Variants in GPHN observed in about 807,000 individuals in gnomAD.
GPHN encodes gephyrin.
A neutral mutation model predicts 95.5 loss-of-function variants in GPHN; 17 were observed. The observed-to-expected ratio is 0.18, with a 90% CI of 0.12 to 0.27. The LOEUF is 0.27. Among genes scored for constraint, GPHN ranks in the 10% least tolerant of loss-of-function variants. GPHN has a pLI of 1.00. For synonymous variants in GPHN, 320 were observed against 322.5 expected (o/e 0.99, Z 0.08); for missense variants, 660 against 978.1 (o/e 0.67, Z 4.34).
the GPHN span, among the ~76,000 whole-genome samples, chr14:67,464,790 C>A: frequency 1.3e-5 from 2 of 152,190 alleles, no homozygotes; most frequent in African/African-American, 4.8e-5. Context: ...AAGTTCTGTT[C>A]TCTGTGTGTT....
the GPHN span, among the ~76,000 whole-genome samples, chr14:67,557,860 C>T: frequency 1.3e-5 from 2 of 152,202 alleles, no homozygotes; most frequent in Non-Finnish European, 2.9e-5. Flanking sequence ...CTGGCCTTGT[C>T]GTGCCCTGCC....
At chr14:66,560,579 GCA>G (rs2060191899) in intron 1 of GPHN, among the ~76,000 whole-genome samples, 1 of 152,218 alleles carries the variant, frequency 6.6e-6, no homozygotes, top group South Asian at 2.1e-4. Flanking sequence ...GTGATTTTTT[GCA>G]CATTGATTTT....
rs111398416 is a variant in GPHN, at chr14:66,936,571, A to G, written c.828+12279A>G. On this transcript the variant is annotated intron_variant, in intron 8 of 22. Transcript: ENST00000478722. ...AGTAAGAAGAATATATAGATAAATC[A>G]ATATAATGAAATACTTTGGAGAATA... is the stretch of plus-strand genomic sequence containing the variant. Among the ~76,000 whole-genome samples, 471 of 152,350 alleles carry G rather than the reference A, an allele frequency of 3.1e-3. 11 individuals carry two copies. The highest frequency in any genetic ancestry group is 0.011 in the African/African-American group (446 of 41,586).
chr14:66,543,478 G>A (rs1483068219), intron 1 of GPHN, among the ~76,000 whole-genome samples: 1 of 152,008 alleles, frequency 6.6e-6, no homozygotes, highest in African/African-American at 2.4e-5. Flanking sequence ...TACCAAGTAT[G>A]TGCTTACAAC....
At chr14:67,463,969 G>A in the GPHN span, among the ~76,000 whole-genome samples, 4 of 152,194 alleles carry the variant, frequency 2.6e-5, no homozygotes, top group African/African-American at 9.7e-5. Context: ...GAGACTCCAA[G>A]GATCTGTGGG....
chr14:66,629,190 T>C (rs1017478753), intron 1 of GPHN, among the ~76,000 whole-genome samples: 4 of 143,308 alleles, frequency 2.8e-5, no homozygotes, highest in Non-Finnish European at 6.1e-5. Context: ...CATATATAAA[T>C]ATGTATATAA....
the GPHN span, among the ~76,000 whole-genome samples, chr14:67,373,593 T>C: frequency 6.6e-6 from 1 of 152,248 alleles, no homozygotes; most frequent in South Asian, 2.1e-4. Flanking sequence ...CTCAGCATTG[T>C]ACTGGAAGTC....
chr14:67,619,983 C>G, the GPHN span: 1 of 1,600,856 alleles, frequency 6.2e-7, no homozygotes, highest in Non-Finnish European at 8.5e-7. Flanking sequence ...GGATCATGTC[C>G]CTAAGGGGCA....
At chr14:67,557,179 G>A in the GPHN span, 1 of 1,028,236 alleles carries the variant, frequency 9.7e-7, no homozygotes. Flanking sequence ...ACAGCCTGGG[G>A]CATCAGACGG....
the GPHN span, among the ~76,000 whole-genome samples, chr14:67,501,866 A>G: frequency 1.3e-5 from 2 of 152,232 alleles, no homozygotes; most frequent in African/African-American, 2.4e-5. Flanking sequence ...TCACGTTTCT[A>G]TGGTGACATC....
the GPHN span, among the ~76,000 whole-genome samples, chr14:67,554,938 G>A: frequency 6.6e-6 from 1 of 152,044 alleles, no homozygotes; most frequent in Admixed American, 6.6e-5. Context: ...TTTGAGACAG[G>A]ACCTTGCTGT....
chr14:66,581,388 G>A (rs535036943), intron 1 of GPHN, among the ~76,000 whole-genome samples: 1 of 151,640 alleles, frequency 6.6e-6, no homozygotes, highest in Non-Finnish European at 1.5e-5. Context: ...TCACTATAAC[G>A]AAAAACTATG....
chr14:67,069,245 T>C (rs1286230042), intron 11 of GPHN, among the ~76,000 whole-genome samples: 1 of 152,192 alleles, frequency 6.6e-6, no homozygotes, highest in African/African-American at 2.4e-5. Context: ...ACATGCTCTA[T>C]TTGGAATTCA....
At chr14:67,605,016 A>G in the GPHN span, among the ~76,000 whole-genome samples, 1 of 152,178 alleles carries the variant, frequency 6.6e-6, no homozygotes, top group Admixed American at 6.5e-5. Flanking sequence ...CTGTAGCTCT[A>G]CAGTAGGTCT....
At chr14:67,649,697 A>G in the GPHN span, 1 of 152,184 alleles carries the variant, frequency 6.6e-6, no homozygotes, top group African/African-American at 2.4e-5. Flanking sequence ...TGCATTGCTA[A>G]TAAGGGAAGA....
At chr14:67,121,622 G>T (rs191911580) in intron 16 of GPHN, among the ~76,000 whole-genome samples, 2 of 152,228 alleles carry the variant, frequency 1.3e-5, no homozygotes, top group East Asian at 1.9e-4. Flanking sequence ...AATAAGCTTC[G>T]TTAATTTTCT....
At chr14:67,642,096 C>T in the GPHN span, 2 of 1,247,804 alleles carry the variant, frequency 1.6e-6, no homozygotes, top group Non-Finnish European at 2.3e-6. Flanking sequence ...ATGATGTGTA[C>T]TTTGTCACGT....
the GPHN span, chr14:67,340,527 A>T: frequency 3.9e-6 from 5 of 1,290,596 alleles, no homozygotes; most frequent in African/African-American, 2.1e-4. Context: ...GACTAGAATA[A>T]AAAAAAAAAT....
the GPHN span, among the ~76,000 whole-genome samples, chr14:67,206,833 C>T: frequency 5.3e-5 from 8 of 151,868 alleles, no homozygotes; most frequent in East Asian, 1.9e-4. Flanking sequence ...CAGGTTCAAG[C>T]GATTCTTATG....
Sources: gnomAD v4.1 joint callset for allele counts (sites outside exome capture counted in the v4.1 genomes callset) on GRCh38, gnomAD v4.1.1 for gene constraint, MANE v1.5 for transcripts, NCBI Gene and HGNC (gene_info 2026-07-23, HGNC 2026-07-21) for gene names.